NCOR1: variants seen among roughly 807,000 people sequenced by gnomAD.
The protein encoded by NCOR1 is protein phosphatase 1, regulatory subunit 109.
NCOR1 carries 63 observed loss-of-function variants against 288.1 expected under a neutral mutation model. That is an observed-to-expected ratio of 0.22 (90% confidence interval 0.18 to 0.27). NCOR1 has a LOEUF of 0.27. NCOR1 is among the 10% of genes least tolerant of loss of function. The pLI, the probability that NCOR1 is intolerant of heterozygous loss-of-function variation, is 1.00. For synonymous variants in NCOR1, 1,007 were observed against 1,065.9 expected (o/e 0.94, Z 1.08); for missense variants, 2,397 against 3,019.2 (o/e 0.79, Z 4.83).
In NCOR1 at chr17:16,052,103, G is replaced by A. The variant is rs138003250; in HGVS notation, c.6393-3115C>T. Among the ~76,000 whole-genome samples the A allele has an allele frequency of 6.7e-3, 1,019 of 151,946 alleles. 13 individuals carry two copies. Among genetic ancestry groups the A allele is most frequent in the African/African-American group, 0.024 (983 of 41,488 alleles). On this transcript the variant is annotated intron_variant, in intron 40 of 45. Coordinates refer to ENST00000268712, the MANE Select transcript of NCOR1 (RefSeq NM_006311.4). ...GGCTCACTGCAAGCTCCGCCTCCCG[G>A]GTTCACGCCATTCTCCTGCCTCAGC...
chr17:16,080,825 A>G (rs748624960), intron 23 of NCOR1, 98 bp from the exon 24 acceptor site: 127 of 1,245,378 alleles, frequency 1.0e-4, no homozygotes, highest in Non-Finnish European at 1.2e-4. Context: ...CTGTTTAAAA[A>G]AAAAAAAAAT....
At chr17:16,113,530 T>G (rs1398569782) in intron 18 of NCOR1, among the ~76,000 whole-genome samples, 1 of 152,230 alleles carries the variant, frequency 6.6e-6, no homozygotes, top group Non-Finnish European at 1.5e-5. Flanking sequence ...TCACCAAGTG[T>G]CACTTCTTAT....
intron 5 of NCOR1, among the ~76,000 whole-genome samples, chr17:16,160,132 C>T (rs1337830528): frequency 6.6e-6 from 1 of 152,006 alleles, no homozygotes; most frequent in Non-Finnish European, 1.5e-5. Context: ...ACGCCTGGCT[C>T]CCTTAACTCA....
intron 31 of NCOR1, 87 bp from the exon 32 acceptor site, chr17:16,068,208 A>G (rs1210480388): frequency 9.3e-7 from 1 of 1,079,916 alleles, no homozygotes; most frequent in East Asian, 2.6e-5. Context: ...TCAAATAAAG[A>G]CTATATTCAT....
chr17:16,112,909 A>AT (rs199703263), intron 18 of NCOR1, among the ~76,000 whole-genome samples: 1,653 of 152,100 alleles, frequency 0.011, 36 homozygotes, highest in African/African-American at 0.037. Flanking sequence ...CTCATAAATT[A>AT]TTATTTATTT....
intron 42 of NCOR1, among the ~76,000 whole-genome samples, chr17:16,041,475 G>A (rs1215523777): frequency 1.4e-5 from 2 of 142,108 alleles, no homozygotes; most frequent in Non-Finnish European, 3.0e-5. Flanking sequence ...GTGCAATGGC[G>A]TGATCTAGGC....
At position 16,093,747 on chromosome 17, in the gene NCOR1, G is replaced by A. The variant is rs545213834; in HGVS notation, c.2821-1689C>T. On this transcript the variant is annotated intron_variant, in intron 21 of 45. Transcript: ENST00000268712. ...TAGCTTTTCCTCCTTTTGCTATAAC[G>A]CCAAATGAGCTGTTTTGATCCAATG... 7.2e-5 allele frequency among the ~76,000 whole-genome samples: 11 copies of A among 152,080 alleles called. No homozygotes were observed. The South Asian group carries it at 2.3e-3, about 32-fold the overall frequency.
chr17:16,171,927 A>G lies in NCOR1; in HGVS notation c.311T>C (p.Leu104Pro), dbSNP rs1251718838. ...PGPSPVDHDS[L>P]ESKRPRLEQV... ...TTCCAGACGTGGTCGCTTCGATTCC[A>G]GTGAATCATGATCCACTGGGGATGG... The change falls in exon 4 of 46, where the codon CTG becomes CCG. Residue 104 changes from leucine to proline, a missense_variant. Physicochemically the swap from Leu to Pro is moderately conservative, Grantham distance 98. Transcript: ENST00000268712. The G allele has an allele frequency of 1.3e-5, 21 of 1,612,480 alleles. No individual in the cohort carries two copies. The highest frequency in any genetic ancestry group is 1.7e-5 in the Non-Finnish European group (20 of 1,179,312).
intron 5 of NCOR1, among the ~76,000 whole-genome samples, chr17:16,161,297 TTTTG>T (rs1370294679): frequency 2.1e-4 from 32 of 151,628 alleles, no homozygotes; most frequent in Admixed American, 1.8e-3. Context: ...TTGTTTTTGT[TTTTG>T]TTTTTGAGAT....
intron 9 of NCOR1, among the ~76,000 whole-genome samples, chr17:16,147,672 A>T (rs1477620297): frequency 1.3e-5 from 2 of 151,434 alleles, no homozygotes; most frequent in Non-Finnish European, 2.9e-5. Flanking sequence ...ACCACACCCC[A>T]CTCCCACTTC....
At chr17:16,076,536 C>T (rs1284864795) in intron 26 of NCOR1, among the ~76,000 whole-genome samples, 3 of 152,210 alleles carry the variant, frequency 2.0e-5, no homozygotes, top group East Asian at 1.9e-4. Flanking sequence ...AACCATTCTA[C>T]GGTTGTTTGG....
chr17:16,082,339 T>C (rs1043071598), intron 23 of NCOR1, among the ~76,000 whole-genome samples: 7 of 151,932 alleles, frequency 4.6e-5, no homozygotes, highest in African/African-American at 1.7e-4. Context: ...GAACAGAAAA[T>C]ATTCCTGAGC....
chr17:16,056,082 T>A (rs1178724351), intron 40 of NCOR1, among the ~76,000 whole-genome samples: 1 of 142,306 alleles, frequency 7.0e-6, no homozygotes, highest in South Asian at 2.2e-4. Flanking sequence ...TTTTTTTTTT[T>A]AAAGAAGACC....
At chr17:16,167,876 A>C (rs2082326126) in intron 4 of NCOR1, among the ~76,000 whole-genome samples, 1 of 150,744 alleles carries the variant, frequency 6.6e-6, no homozygotes. Context: ...AAAAAAAAAA[A>C]AAACCACACA....
intron 19 of NCOR1, among the ~76,000 whole-genome samples, chr17:16,106,100 C>G (rs1044633680): frequency 6.6e-6 from 1 of 151,726 alleles, no homozygotes; most frequent in Non-Finnish European, 1.5e-5. Flanking sequence ...GACTCCATCT[C>G]TAAAACAAAC....
At position 16,098,371 on chromosome 17, in the gene NCOR1, G is replaced by C. The variant is rs2152973369; in HGVS notation, c.2816C>G (p.Pro939Arg). ...TTCCTCACAATAAAAACTTACCATTGGTGGGATAACAGCAGCTCGATGCTG... is the reference window on the plus strand; with the variant it reads ...TTCCTCACAATAAAAACTTACCATTCGTGGGATAACAGCAGCTCGATGCTG... ...QLQHRAAVIP[P>R]MVSCTPCNIP... Residue 939 changes from proline (P) to arginine (R), a missense_variant, in exon 21 of 46, where the codon CCA (proline) becomes CGA (arginine). Pro to Arg is a moderately radical substitution (Grantham distance 103). This residue lies in a region of NCOR1 where 1,872 missense variants were observed against 2,187.8 expected (regional missense o/e 0.86). Transcript: ENST00000268712. 1 of 1,613,208 alleles carries C rather than the reference G, an allele frequency of 6.2e-7. No individual in the cohort carries two copies. Among genetic ancestry groups the C allele is most frequent in the Non-Finnish European group, 8.5e-7 (1 of 1,179,816 alleles).
At chr17:16,127,310 CATGT>C (rs200490862) in intron 14 of NCOR1, among the ~76,000 whole-genome samples, 5,592 of 42,688 alleles carry the variant, frequency 0.13, 1,861 homozygotes, top group African/African-American at 0.25. Flanking sequence ...TGTATATATA[CATGT>C]ATGTATATAT....
rs564320622 is a variant in NCOR1 at position 16,178,498 on chromosome 17, CAAAAAAAAAA to C, written c.243-6513_243-6504del. On this transcript the variant is annotated intron_variant, in intron 3 of 45. Transcript: ENST00000268712. ...TGGGCAACAGAGCAAGACTCCGTCT[CAAAAAAAAAA>C]AAAAAAAAAAAAAGAATAGAATAAA... 2.4e-4 allele frequency among the ~76,000 whole-genome samples: 8 copies of C among 32,802 alleles called. No homozygotes were observed. In the South Asian group the frequency reaches 4.3e-3, roughly 18 times the overall value. The allele number at this position is 32,802 out of a possible 152,430, so 21.5% of individuals were successfully genotyped here.
At chr17:16,124,262 C>T (rs529282882) in intron 15 of NCOR1, among the ~76,000 whole-genome samples, 2 of 152,284 alleles carry the variant, frequency 1.3e-5, no homozygotes, top group South Asian at 4.1e-4. Flanking sequence ...ACTACTGATA[C>T]ATTCAACAAC....
Sources: allele counts gnomAD v4.1 joint callset (sites outside exome capture counted in the v4.1 genomes callset), GRCh38; gene constraint gnomAD v4.1.1; regional missense constraint gnomAD v4.1.1; transcripts MANE v1.5; gene names NCBI Gene and HGNC (gene_info 2026-07-23, HGNC 2026-07-21).